ADAM10: variants seen among roughly 807,000 people sequenced by gnomAD.
ADAM10 encodes disintegrin and metalloproteinase domain-containing protein 10.
ADAM10 carries 17 observed loss-of-function variants against 90.1 expected under a neutral mutation model. The observed-to-expected ratio is 0.19, with a 90% CI of 0.13 to 0.28. The LOEUF (loss-of-function observed/expected upper bound fraction) is 0.28. Ranked by LOEUF, ADAM10 falls within the 10% of genes least tolerant of loss-of-function variation. ADAM10 has a pLI of 1.00. For missense variants in ADAM10, 610 were observed against 914.3 expected, an observed-to-expected ratio of 0.67 and a Z score of 4.29; for synonymous variants, 310 against 298.6, an observed-to-expected ratio of 1.04 and a Z score of -0.40.
At chr15:58,707,761 T>C (rs1386363754) in intron 2 of ADAM10, among the ~76,000 whole-genome samples, 4 of 152,166 alleles carry the variant, frequency 2.6e-5, no homozygotes, top group African/African-American at 4.8e-5. Context: ...AATTAAATAA[T>C]TGGCAAGTAA....
At chr15:58,611,686 G>C (rs757135680) in intron 12 of ADAM10, 122 bp downstream of exon 12, 15 of 903,654 alleles carry the variant, frequency 1.7e-5, no homozygotes, top group Non-Finnish European at 2.0e-5. Context: ...TTTTGTGAGG[G>C]AATATTACTT....
At chr15:58,742,362 T>A (rs1567021219) in intron 1 of ADAM10, among the ~76,000 whole-genome samples, 2 of 152,210 alleles carry the variant, frequency 1.3e-5, no homozygotes, top group Non-Finnish European at 1.5e-5. Context: ...GGGGTTACAG[T>A]TTCTACTGCA....
chr15:58,694,302 T>A (rs1266520316), intron 2 of ADAM10, among the ~76,000 whole-genome samples: 1 of 152,042 alleles, frequency 6.6e-6, no homozygotes, highest in Non-Finnish European at 1.5e-5. Context: ...CATACAACAA[T>A]TAGCCAGGTG....
chr15:58,613,412 T>C (rs1895509444), intron 11 of ADAM10, among the ~76,000 whole-genome samples: 1 of 151,798 alleles, frequency 6.6e-6, no homozygotes, highest in East Asian at 1.9e-4. Context: ...AACAAATATA[T>C]ATGACACCAC....
chr15:58,628,404 G>C (rs1456582066), intron 9 of ADAM10, among the ~76,000 whole-genome samples: 1 of 152,100 alleles, frequency 6.6e-6, no homozygotes, highest in Non-Finnish European at 1.5e-5. Flanking sequence ...TGCTGACTAG[G>C]AACAGAAACA....
chr15:58,601,701 G>A (rs1194968401), intron 14 of ADAM10, among the ~76,000 whole-genome samples: 1 of 152,114 alleles, frequency 6.6e-6, no homozygotes, highest in Non-Finnish European at 1.5e-5. Context: ...ATACTATCCA[G>A]TTCAGAATCG....
At chr15:58,599,434 T>C (rs761873020) in intron 15 of ADAM10, among the ~76,000 whole-genome samples, 164 bp downstream of exon 15, 19 of 152,124 alleles carry the variant, frequency 1.2e-4, no homozygotes, top group East Asian at 3.8e-4. Flanking sequence ...CCAGATTGGA[T>C]TGACAAAAAG....
At chr15:58,656,784 T>G (rs1400753930) in intron 5 of ADAM10, among the ~76,000 whole-genome samples, 1 of 152,200 alleles carries the variant, frequency 6.6e-6, no homozygotes, top group Non-Finnish European at 1.5e-5. Flanking sequence ...TTATTACCAA[T>G]GAGTTTTGTA....
intron 1 of ADAM10, among the ~76,000 whole-genome samples, chr15:58,741,755 A>C (rs569588193): frequency 1.3e-5 from 2 of 152,128 alleles, no homozygotes; most frequent in South Asian, 4.1e-4. Context: ...TTCTACGATC[A>C]TTCTAATCCA....
intron 5 of ADAM10, among the ~76,000 whole-genome samples, chr15:58,650,074 T>A (rs1409449058): frequency 6.6e-6 from 1 of 152,202 alleles, no homozygotes; most frequent in Non-Finnish European, 1.5e-5. Context: ...AAATTTCCCA[T>A]CAAGTTCTTT....
chr15:58,632,412 A>T (rs935520154), intron 9 of ADAM10, among the ~76,000 whole-genome samples: 10 of 152,340 alleles, frequency 6.6e-5, no homozygotes, highest in South Asian at 6.2e-4. Context: ...AAATCTTCAC[A>T]ATTATTGGCT....
At chr15:58,628,031 G>T in intron 9 of ADAM10, 148 bp from the exon 10 acceptor site, 1 of 809,408 alleles carries the variant, frequency 1.2e-6, no homozygotes, top group Non-Finnish European at 1.9e-6. Context: ...TACACCTTGA[G>T]TAGGAAAAGA....
Position 58,646,035 on chromosome 15 carries a change from T to C in ADAM10, c.735+20A>G, listed in dbSNP as rs1456792975. 5.0e-6 allele frequency: 8 copies of C among 1,612,424 alleles called. No individual in the cohort carries two copies. The highest frequency in any genetic ancestry group is 3.3e-5 in the Admixed American group (2 of 60,012). On this transcript the variant is annotated intron_variant, in intron 6 of 15. Transcript: ENST00000260408. ...TAAAACAATATGGGAACTACTAAAATAGCGCATAATCATAAATACCTGGGC... is the reference window on the plus strand; with the variant it reads ...TAAAACAATATGGGAACTACTAAAACAGCGCATAATCATAAATACCTGGGC...
chr15:58,709,346 T>C (rs1197460850), intron 2 of ADAM10, among the ~76,000 whole-genome samples: 1 of 152,074 alleles, frequency 6.6e-6, no homozygotes, highest in African/African-American at 2.4e-5. Flanking sequence ...AAATATAACA[T>C]AATTAAGAAA....
chr15:58,692,590 T>C (rs1170824821), intron 2 of ADAM10: 2 of 555,580 alleles, frequency 3.6e-6, no homozygotes, highest in Admixed American at 1.9e-5. Context: ...CTGAGGGTGC[T>C]TCTTCACTAC....
chr15:58,733,633 T>C (rs942686880), intron 1 of ADAM10, among the ~76,000 whole-genome samples: 5 of 152,158 alleles, frequency 3.3e-5, no homozygotes, highest in African/African-American at 9.7e-5. Flanking sequence ...CCAATCCCCA[T>C]AGATACTGAG....
At chr15:58,688,680 C>A (rs1412939008) in intron 2 of ADAM10, among the ~76,000 whole-genome samples, 3 of 143,978 alleles carry the variant, frequency 2.1e-5, no homozygotes, top group Non-Finnish European at 4.5e-5. Flanking sequence ...AGGGGAGGGA[C>A]AGGGAAGAGA....
At chr15:58,749,165 C>A (rs893510068) in intron 1 of ADAM10, 9 of 400,938 alleles carry the variant, frequency 2.2e-5, no homozygotes, top group Non-Finnish European at 3.9e-5. Context: ...TGGGTTCCAC[C>A]GCTCTCACCA....
chr15:58,622,562 A>G (rs1339698239), intron 10 of ADAM10, among the ~76,000 whole-genome samples: 3 of 152,112 alleles, frequency 2.0e-5, no homozygotes, highest in African/African-American at 7.2e-5. Context: ...AATTTTTTTT[A>G]TGTACATTAG....
Sources: gnomAD v4.1 joint callset for allele counts (sites outside exome capture counted in the v4.1 genomes callset) on GRCh38, gnomAD v4.1.1 for gene constraint, MANE v1.5 for transcripts, NCBI Gene and HGNC (gene_info 2026-07-23, HGNC 2026-07-21) for gene names.